Variants in GRIN2A observed in about 807,000 individuals in gnomAD.
GRIN2A encodes glutamate receptor ionotropic, NMDA 2A.
A neutral mutation model predicts 113.4 loss-of-function variants in GRIN2A; 22 were observed. That is an observed-to-expected ratio of 0.19 (90% CI 0.14 to 0.28). The LOEUF (loss-of-function observed/expected upper bound fraction) is 0.28. GRIN2A is among the 10% of genes least tolerant of loss of function. The pLI, the probability that GRIN2A is intolerant of heterozygous loss-of-function variation, is 1.00. For missense variants in GRIN2A, 1,502 were observed against 1,887.0 expected, an observed-to-expected ratio of 0.80 and a Z score of 3.78; for synonymous variants, 827 against 738.4, an observed-to-expected ratio of 1.12 and a Z score of -1.94.
intron 4 of GRIN2A, among the ~76,000 whole-genome samples, chr16:9,890,027 A>G (rs1290702550): frequency 2.0e-5 from 3 of 152,122 alleles, no homozygotes; most frequent in Non-Finnish European, 2.9e-5. Context: ...TTCTGTTTGT[A>G]TAGTATTTCC....
intron 2 of GRIN2A, among the ~76,000 whole-genome samples, chr16:10,123,095 T>C (rs1418723451): frequency 2.6e-5 from 4 of 152,148 alleles, no homozygotes; most frequent in Non-Finnish European, 5.9e-5. Context: ...AATCAAAGTT[T>C]TTTCCCAGCA....
intron 4 of GRIN2A, among the ~76,000 whole-genome samples, chr16:9,887,183 G>A (rs554421756): frequency 2.0e-5 from 3 of 152,066 alleles, no homozygotes; most frequent in African/African-American, 4.8e-5. Context: ...CACCAAGCCC[G>A]GCCCGGATTT....
At chr16:9,874,062 T>C (rs112909311) in intron 4 of GRIN2A, among the ~76,000 whole-genome samples, 1 of 152,158 alleles carries the variant, frequency 6.6e-6, no homozygotes, top group Non-Finnish European at 1.5e-5. Context: ...AACTTTAGAT[T>C]TTTTTCTCAT....
chr16:9,803,508 G>A (rs1403667590), intron 10 of GRIN2A, among the ~76,000 whole-genome samples: 3 of 152,180 alleles, frequency 2.0e-5, no homozygotes, highest in Non-Finnish European at 2.9e-5. Flanking sequence ...TAAAGTATGT[G>A]TGCAATGCTC....
Position 9,764,895 on chromosome 16 carries a change from T to C in GRIN2A, c.2649A>G (p.Pro883=), listed in dbSNP as rs749165695. 1 of 1,614,166 alleles carries C rather than the reference T, an allele frequency of 6.2e-7. No homozygotes were observed. Among genetic ancestry groups the C allele is most frequent in the South Asian group, 1.1e-5 (1 of 91,082 alleles). The change falls in exon 13 of 13, where the codon CCA becomes CCG. Residue 883 remains proline (P), a synonymous_variant. Transcript: ENST00000330684. ...GVHIEEKKKS[P]DFNLTGSQSN... is the part of the protein sequence containing the mutation. ...TCTGGGATCCCGTCAGATTGAAGTC[T>C]GGAGACTTCTTCTTTTCTTCAATGT...
chr16:9,989,023 G>C (rs1310417507), intron 2 of GRIN2A, among the ~76,000 whole-genome samples: 1 of 152,134 alleles, frequency 6.6e-6, no homozygotes, highest in African/African-American at 2.4e-5. Context: ...TAAGACTTTG[G>C]TGCTCTCTGA....
intron 2 of GRIN2A, among the ~76,000 whole-genome samples, chr16:10,022,569 T>C (rs2046746489): frequency 6.6e-6 from 1 of 152,194 alleles, no homozygotes; most frequent in South Asian, 2.1e-4. Context: ...TGCTGCACCA[T>C]AGTCTATTTC....
chr16:9,813,803 G>C (rs10468229), intron 10 of GRIN2A, among the ~76,000 whole-genome samples: 1 of 151,878 alleles, frequency 6.6e-6, no homozygotes, highest in Non-Finnish European at 1.5e-5. Context: ...TTTGCAGTGT[G>C]GGGGTGGATC....
chr16:10,107,127 G>T (rs564327095), intron 2 of GRIN2A, among the ~76,000 whole-genome samples: 1 of 152,312 alleles, frequency 6.6e-6, no homozygotes, highest in South Asian at 2.1e-4. Context: ...CCTGCTGATT[G>T]AAGGAATGTT....
chr16:9,835,194 T>C (rs1418354166), intron 7 of GRIN2A, among the ~76,000 whole-genome samples: 2 of 152,180 alleles, frequency 1.3e-5, no homozygotes, highest in Non-Finnish European at 2.9e-5. Flanking sequence ...TTAAATGCAA[T>C]TGAAAGTCAA....
intron 11 of GRIN2A, among the ~76,000 whole-genome samples, chr16:9,774,758 G>A (rs1446145729): frequency 6.6e-6 from 1 of 152,206 alleles, no homozygotes; most frequent in Non-Finnish European, 1.5e-5. Context: ...AGAATTAAAC[G>A]ATGTTGCATA....
rs147469561 is a variant in GRIN2A at position 9,778,945 on chromosome 16, A to C, written c.2357-9856T>G. On this transcript the variant is annotated intron_variant, in intron 11 of 12. Coordinates refer to ENST00000330684, the MANE Select transcript of GRIN2A (RefSeq NM_001134407.3). The stretch of plus-strand genomic sequence containing the variant: ...TCAATACACCACCATATAGAAAATA[A>C]GCTCAAAGATTTATTACTTACACAT... Among the ~76,000 whole-genome samples the C allele has an allele frequency of 7.9e-5, 12 of 152,340 alleles. No individual in the cohort carries two copies. The East Asian group carries it at 2.3e-3, about 29-fold the overall frequency.
intron 2 of GRIN2A, among the ~76,000 whole-genome samples, chr16:9,952,048 C>T (rs2045197257): frequency 1.3e-5 from 2 of 152,270 alleles, no homozygotes; most frequent in African/African-American, 4.8e-5. Flanking sequence ...TTTGTAGCAA[C>T]CACGAGAAAT....
chr16:10,000,783 A>C (rs1220149777), intron 2 of GRIN2A, among the ~76,000 whole-genome samples: 1 of 152,028 alleles, frequency 6.6e-6, no homozygotes, highest in East Asian at 1.9e-4. Flanking sequence ...GTCTTCATTT[A>C]TTTATTTTTC....
intron 7 of GRIN2A, 58 bp from the exon 8 acceptor site, chr16:9,834,288 A>G: frequency 6.4e-7 from 1 of 1,567,262 alleles, no homozygotes; most frequent in East Asian, 2.2e-5. Flanking sequence ...CCTCACTTCC[A>G]GCAGGAAGCC....
chr16:10,119,298 G>C (rs2048787527), intron 2 of GRIN2A, among the ~76,000 whole-genome samples: 1 of 151,942 alleles, frequency 6.6e-6, no homozygotes, highest in South Asian at 2.1e-4. Flanking sequence ...ATTACACTTA[G>C]AATGAGCGTT....
chr16:10,055,567 CTT>C (rs1210373967), intron 2 of GRIN2A, among the ~76,000 whole-genome samples: 1 of 152,196 alleles, frequency 6.6e-6, no homozygotes, highest in Non-Finnish European at 1.5e-5. Flanking sequence ...CTGGGAAGAC[CTT>C]TGTCACATCT....
At chr16:9,846,507 C>T (rs968588745) in intron 5 of GRIN2A, among the ~76,000 whole-genome samples, 1 of 152,164 alleles carries the variant, frequency 6.6e-6, no homozygotes, top group African/African-American at 2.4e-5. Context: ...GTGATAATAG[C>T]TGAGACTGGA....
intron 2 of GRIN2A, among the ~76,000 whole-genome samples, chr16:10,134,312 CT>C: frequency 6.6e-6 from 1 of 152,194 alleles, no homozygotes; most frequent in South Asian, 2.1e-4. Flanking sequence ...GCTCTACCCT[CT>C]GAGTAACCAG....
Sources: allele counts gnomAD v4.1 joint callset (sites outside exome capture counted in the v4.1 genomes callset), GRCh38; gene constraint gnomAD v4.1.1; transcripts MANE v1.5; gene names NCBI Gene and HGNC (gene_info 2026-07-23, HGNC 2026-07-21).